Variants in OARD1 observed in about 807,000 individuals in gnomAD.
The protein encoded by OARD1 is O-acyl-ADP-ribose deacylase 1.
A neutral mutation model predicts 19.7 loss-of-function variants in OARD1; 19 were observed. The observed-to-expected ratio is 0.96, with a 90% CI of 0.67 to 1.41. The LOEUF is 1.41. OARD1 is among the 40% of genes most tolerant of loss of function. The pLI, the probability that OARD1 is intolerant of heterozygous loss-of-function variation, is 0.00. For synonymous variants in OARD1, 70 were observed against 61.8 expected, an observed-to-expected ratio of 1.13 and a Z score of -0.62; for missense variants, 190 against 183.8, an observed-to-expected ratio of 1.03 and a Z score of -0.20.
chr6:41,086,087 A>G (rs992869096), intron 1 of OARD1, among the ~76,000 whole-genome samples: 2 of 152,146 alleles, frequency 1.3e-5, no homozygotes, highest in African/African-American at 4.8e-5. Flanking sequence ...CCCTATTGCT[A>G]TATCCTTTCT....
At chr6:41,076,708 G>A (rs913351290), upstream of OARD1, among the ~76,000 whole-genome samples, 2 of 152,168 alleles carry the variant, frequency 1.3e-5, no homozygotes, top group Non-Finnish European at 2.9e-5. Flanking sequence ...TCAAAACTTT[G>A]TGTTAAGAGC....
chr6:41,075,541 G>A (rs1411025485), upstream of OARD1: 1 of 152,048 alleles, frequency 6.6e-6, no homozygotes, highest in Non-Finnish European at 1.5e-5. Flanking sequence ...AAAGTAGTGT[G>A]GCCCCAAGCT....
chr6:41,088,114 A>G (rs1258142399), intron 1 of OARD1, among the ~76,000 whole-genome samples: 1 of 152,212 alleles, frequency 6.6e-6, no homozygotes, highest in South Asian at 2.1e-4. Flanking sequence ...CCTAGAAGTT[A>G]GCAGCTTAAA....
upstream of OARD1, among the ~76,000 whole-genome samples, chr6:41,074,608 C>T (rs923476297): frequency 6.6e-5 from 10 of 152,162 alleles, no homozygotes; most frequent in East Asian, 1.9e-3. Flanking sequence ...AATCAAATTA[C>T]ACTGTTGGAG....
At chr6:41,083,351 TTA>T (rs1763958545) in intron 1 of OARD1, among the ~76,000 whole-genome samples, 1 of 152,188 alleles carries the variant, frequency 6.6e-6, no homozygotes, top group Non-Finnish European at 1.5e-5. Context: ...CATGTGGATA[TTA>T]TAGAGGCCAG....
chr6:41,089,737 G>T, intron 1 of OARD1: 1 of 1,604,462 alleles, frequency 6.2e-7, no homozygotes, highest in South Asian at 1.1e-5. Flanking sequence ...TGTCACACAG[G>T]AGCAAAACTG....
At chr6:41,094,351 T>C (rs1346959876) in intron 1 of OARD1, 1 of 1,537,326 alleles carries the variant, frequency 6.5e-7, no homozygotes, top group Non-Finnish European at 9.0e-7. Flanking sequence ...ACTGTGCTGG[T>C]TCTGGATAGT....
At chr6:41,084,841 A>C (rs1027049945) in intron 1 of OARD1, among the ~76,000 whole-genome samples, 3 of 152,200 alleles carry the variant, frequency 2.0e-5, no homozygotes, top group Non-Finnish European at 4.4e-5. Context: ...ACGCACCTGT[A>C]ATCCCAGCTA....
chr6:41,090,106 T>G, intron 1 of OARD1: 1 of 788,964 alleles, frequency 1.3e-6, no homozygotes, highest in Non-Finnish European at 2.1e-6. Flanking sequence ...AGAGTGAGAC[T>G]CTGTCTCAAA....
chr6:41,080,497 GC>G (rs1424292187), intron 1 of OARD1, among the ~76,000 whole-genome samples: 1 of 152,124 alleles, frequency 6.6e-6, no homozygotes, highest in Non-Finnish European at 1.5e-5. Context: ...GATAAAAAGG[GC>G]ATTAAACAAT....
chr6:41,067,515 C>T, intron 5 of OARD1, 78 bp from the exon 6 acceptor site: 3 of 951,634 alleles, frequency 3.2e-6, no homozygotes, highest in South Asian at 2.9e-5. Flanking sequence ...GCTATATCCA[C>T]TCAAAGCATA....
At chr6:41,094,564 G>A in intron 1 of OARD1, 1 of 1,216,098 alleles carries the variant, frequency 8.2e-7, no homozygotes, top group Non-Finnish European at 1.2e-6. Flanking sequence ...GAAGCCTTCA[G>A]CAGTGTCCTC....
chr6:41,089,091 T>C (rs1160229864), intron 1 of OARD1, among the ~76,000 whole-genome samples: 1 of 152,084 alleles, frequency 6.6e-6, no homozygotes, highest in Non-Finnish European at 1.5e-5. Context: ...TCAAGTGATT[T>C]TCCGGCCTCA....
chr6:41,078,246 C>G (rs947382597), intron 1 of OARD1, among the ~76,000 whole-genome samples: 4 of 152,218 alleles, frequency 2.6e-5, no homozygotes, highest in African/African-American at 9.6e-5. Flanking sequence ...TTCTTTCACA[C>G]TGTATTGAGA....
At chr6:41,070,175 C>A in intron 3 of OARD1, 41 bp from the exon 4 acceptor site, 1 of 1,044,416 alleles carries the variant, frequency 9.6e-7, no homozygotes, top group Non-Finnish European at 1.5e-6. Context: ...AAAAAGAAAA[C>A]CAAACACTGA....
chr6:41,094,379 T>G (rs748069441), intron 1 of OARD1: 1 of 1,609,454 alleles, frequency 6.2e-7, no homozygotes, highest in Non-Finnish European at 8.5e-7. Flanking sequence ...GTTAAATGGT[T>G]TTATTTCTCG....
rs1762964143 is a variant in OARD1, at chr6:41,065,370, G to A, written c.*1965C>T. On this transcript the variant is annotated 3_prime_UTR_variant, in exon 6 of 6. Transcript: ENST00000424266. ...ACGGTGCAAAAGCCATACACATTCAGTACACCCTTCAACTGAACTCAACTT... is the reference window on the plus strand; with the variant it reads ...ACGGTGCAAAAGCCATACACATTCAATACACCCTTCAACTGAACTCAACTT... The A allele has an allele frequency of 6.6e-6, 1 of 152,180 alleles. No homozygotes were observed. 9.4% of individuals were successfully genotyped at this position (152,180 alleles called of 1,614,324 possible). A position where few individuals can be genotyped will look rare whatever the true frequency, so the allele number is the denominator to read the frequency against.
rs576720027 is a variant in OARD1 at position 41,081,446 on chromosome 6, C to T, written c.-41-9771G>A. On this transcript the variant is annotated intron_variant, in intron 1 of 4. Coordinates refer to the OARD1 transcript ENST00000480585. ...CAGAGCTTGCAGTGAGCAGAGATTGCGCCACTGCACTCCAGCCTGGGTGAC... is the reference window on the plus strand; with the variant it reads ...CAGAGCTTGCAGTGAGCAGAGATTGTGCCACTGCACTCCAGCCTGGGTGAC... Among the ~76,000 whole-genome samples the T allele has an allele frequency of 7.1e-4, 107 of 151,442 alleles. No homozygotes were observed. The Middle Eastern group carries it at 0.01, about 14-fold the overall frequency.
intron 1 of OARD1, among the ~76,000 whole-genome samples, chr6:41,092,576 A>T (rs7761413): frequency 2.1e-3 from 319 of 152,178 alleles, no homozygotes; most frequent in Middle Eastern, 6.8e-3. Context: ...CACTTGGTCT[A>T]TCTATTTTTG....
Sources: gnomAD v4.1 joint callset for allele counts (sites outside exome capture counted in the v4.1 genomes callset) on GRCh38, gnomAD v4.1.1 for gene constraint, MANE v1.5 for transcripts, NCBI Gene and HGNC (gene_info 2026-07-23, HGNC 2026-07-21) for gene names.